The following TCF25 variants were observed in gnomAD, a reference collection of about 807,000 sequenced individuals.
TCF25 encodes ribosome quality control complex subunit TCF25.
A neutral mutation model predicts 83.1 loss-of-function variants in TCF25; 41 were observed. That is an observed-to-expected ratio of 0.49 (90% CI 0.38 to 0.64). The LOEUF (loss-of-function observed/expected upper bound fraction) is 0.64. Ranked by LOEUF, TCF25 falls within the 30% of genes least tolerant of loss-of-function variation. The pLI, the probability that TCF25 is intolerant of heterozygous loss-of-function variation, is 0.00. For synonymous variants in TCF25, 458 were observed against 365.0 expected, an observed-to-expected ratio of 1.25 and a Z score of -2.90; for missense variants, 979 against 914.5, an observed-to-expected ratio of 1.07 and a Z score of -0.91.
At chr16:89,890,568 C>T (rs559223118) in intron 5 of TCF25, 4 of 152,158 alleles carry the variant, frequency 2.6e-5, no homozygotes, top group African/African-American at 4.8e-5. Flanking sequence ...TTATATTTTA[C>T]TTTACATTTT....
intron 5 of TCF25, among the ~76,000 whole-genome samples, chr16:89,888,659 GTTTC>G (rs911665614): frequency 2.0e-5 from 3 of 149,256 alleles, no homozygotes; most frequent in African/African-American, 4.9e-5. Flanking sequence ...TCTGAGATAA[GTTTC>G]TTTCTCTCTT....
At chr16:89,876,927 T>TAA (rs71137687) in intron 1 of TCF25, among the ~76,000 whole-genome samples, 5,783 of 67,936 alleles carry the variant, frequency 0.085, 364 homozygotes, top group East Asian at 0.2. Flanking sequence ...AGACTCCATC[T>TAA]AAAAAAAAAA....
At chr16:89,908,865 T>C in intron 16 of TCF25, 1 of 1,169,160 alleles carries the variant, frequency 8.6e-7, no homozygotes, top group Non-Finnish European at 1.1e-6. Context: ...CTCCTGCAGC[T>C]CTGAGGTCAG....
intron 13 of TCF25, 191 bp from the exon 14 acceptor site, chr16:89,904,747 A>G: frequency 1.4e-6 from 1 of 730,882 alleles, no homozygotes; most frequent in Non-Finnish European, 2.4e-6. Context: ...TAACCTGCCC[A>G]ACAGGCTCAC....
At chr16:89,875,513 GTTTTT>G (rs1193815042) in intron 1 of TCF25, among the ~76,000 whole-genome samples, 2 of 65,952 alleles carry the variant, frequency 3.0e-5, no homozygotes, top group African/African-American at 7.1e-5. Flanking sequence ...CCTGACGTGA[GTTTTT>G]TTTTTTTTTT....
At position 89,904,962 on chromosome 16, in the gene TCF25, G is replaced by A; in HGVS notation, c.1494G>A (p.Leu498=). ...GCCAGCCCCCTGCCCTGAGCCAGCT[G>A]GTGAACCTGTACCTTGGGAGGTCAC... ...EISQPPALSQ[L]VNLYLGRSHF... Residue 498 remains leucine (L), a synonymous_variant, in exon 14 of 18, where the codon CTG becomes CTA. Transcript: ENST00000263346. 1 of 1,608,160 alleles carries A rather than the reference G, an allele frequency of 6.2e-7. No homozygotes were observed. The highest frequency in any genetic ancestry group is 8.5e-7 in the Non-Finnish European group (1 of 1,177,694).
intron 12 of TCF25, among the ~76,000 whole-genome samples, chr16:89,901,241 A>T (rs61526246): frequency 1.2e-4 from 18 of 152,354 alleles, no homozygotes; most frequent in African/African-American, 4.3e-4. Flanking sequence ...CCCTGACTGC[A>T]TCTGGGTAGC....
Position 89,906,523 on chromosome 16 carries a change from C to T in TCF25, c.1719+239C>T, listed in dbSNP as rs58750570. 4.1e-3 allele frequency among the ~76,000 whole-genome samples: 631 copies of T among 152,192 alleles called. 4 individuals are homozygous for T. Among genetic ancestry groups the T allele is most frequent in the African/African-American group, 0.015 (615 of 41,516 alleles). On this transcript the variant is annotated intron_variant, in intron 15 of 17. Coordinates refer to ENST00000263346, the MANE Select transcript of TCF25 (RefSeq NM_014972.3). ...GCTCAGAGCACAAGCTGAGTCGTCA[C>T]CGTGGTGAGCTGCTCCATCCGTGGT...
rs780407749 is a variant in TCF25 at position 89,904,075 on chromosome 16, G to A, written c.1382-43G>A. ...GCCTTGGGGGCTAGGAGTGGCTGGGGTGTGTGCTGAGGGCCCCCACAGAGC... is the reference window on the plus strand; with the variant it reads ...GCCTTGGGGGCTAGGAGTGGCTGGGATGTGTGCTGAGGGCCCCCACAGAGC... On this transcript the variant is annotated intron_variant, in intron 12 of 17. Transcript: ENST00000263346. The A allele has an allele frequency of 1.3e-5, 20 of 1,576,522 alleles. No individual in the cohort carries two copies. In the South Asian group the frequency reaches 1.5e-4, roughly 12 times the overall value.
chr16:89,880,429 C>G (rs1254013974), intron 1 of TCF25, among the ~76,000 whole-genome samples: 1 of 152,052 alleles, frequency 6.6e-6, no homozygotes, highest in African/African-American at 2.4e-5. Context: ...ACTAAAAATA[C>G]AAAAATTAGC....
intron 2 of TCF25, chr16:89,884,210 C>A: frequency 4.1e-6 from 1 of 241,864 alleles, no homozygotes; most frequent in Non-Finnish European, 8.3e-6. Context: ...CAGGTGCAGG[C>A]GTAGGGGACC....
At chr16:89,878,458 T>A (rs1271722818) in intron 1 of TCF25, 13 of 1,190,614 alleles carry the variant, frequency 1.1e-5, no homozygotes, top group Middle Eastern at 2.5e-4. Context: ...TTTTTTTTTT[T>A]AGGAAAAATG....
At chr16:89,906,030 A>AGCCATGGTGCCTCT (rs1380948742) in intron 14 of TCF25, 164 bp from the exon 15 acceptor site, 1 of 644,142 alleles carries the variant, frequency 1.6e-6, no homozygotes, top group African/African-American at 1.8e-5. Flanking sequence ...GCCAGGGACC[A>AGCCATGGTGCCTCT]GCCATGGTGC....
At chr16:89,884,476 A>C in intron 2 of TCF25, 106 bp from the exon 3 acceptor site, 2 of 1,116,670 alleles carry the variant, frequency 1.8e-6, no homozygotes, top group Non-Finnish European at 2.6e-6. Context: ...ACGGAGGGAG[A>C]GGTAGGGGCT....
intron 17 of TCF25, 22 bp downstream of exon 17, chr16:89,910,685 C>T (rs768936468): frequency 3.1e-6 from 5 of 1,612,138 alleles, no homozygotes; most frequent in Middle Eastern, 1.7e-4. Flanking sequence ...TCGTCCCAGC[C>T]CCTGCCTCCC....
chr16:89,904,359 G>A (rs796922166), intron 13 of TCF25, 154 bp downstream of exon 13: 21 of 799,560 alleles, frequency 2.6e-5, no homozygotes, highest in South Asian at 2.0e-4. Flanking sequence ...GACATGGGAC[G>A]GCTCTGGAGC....
chr16:89,889,227 G>A (rs1354854359), intron 5 of TCF25: 2 of 396,064 alleles, frequency 5.0e-6, no homozygotes, highest in South Asian at 3.8e-5. Context: ...TTATTTTTTA[G>A]AGACAGGGTC....
chr16:89,894,948 G>A (rs113220766), intron 7 of TCF25, 90 bp from the exon 8 acceptor site: 21,843 of 1,181,468 alleles, frequency 0.018, 885 homozygotes, highest in African/African-American at 0.15. Flanking sequence ...CCCAGCCTCC[G>A]CTGGTTTTAA....
At chr16:89,880,594 A>G (rs2042536247) in intron 1 of TCF25, among the ~76,000 whole-genome samples, 1 of 151,994 alleles carries the variant, frequency 6.6e-6, no homozygotes, top group African/African-American at 2.4e-5. Context: ...AAAAAAAGAA[A>G]AAAAAAAAAG....
Sources: gnomAD v4.1 joint callset for allele counts (sites outside exome capture counted in the v4.1 genomes callset) on GRCh38, gnomAD v4.1.1 for gene constraint, MANE v1.5 for transcripts, NCBI Gene and HGNC (gene_info 2026-07-23, HGNC 2026-07-21) for gene names.